The following FAT3 variants were observed in gnomAD, a reference collection of about 807,000 sequenced individuals.
FAT3 encodes protocadherin Fat 3.
FAT3 carries 95 observed loss-of-function variants against 310.2 expected under a neutral mutation model. The observed-to-expected ratio is 0.31, with a 90% CI of 0.26 to 0.36. FAT3 has a LOEUF of 0.36. Among genes scored for constraint, FAT3 ranks in the 10% least tolerant of loss-of-function variants. FAT3 has a pLI of 1.00. For missense variants in FAT3, 5,408 were observed against 5,715.6 expected, an observed-to-expected ratio of 0.95 and a Z score of 1.74; for synonymous variants, 2,314 against 2,192.9, an observed-to-expected ratio of 1.06 and a Z score of -1.54.
rs477999 is a variant in FAT3 at position 92,616,802 on chromosome 11, G to T, written c.3608-80582G>T. On this transcript the variant is annotated intron_variant, in intron 3 of 27. Transcript: ENST00000525166. ...TTTCTTTAAGAATGTTGAATATTGG[G>T]CCTCACTCTCTACTGGCTTGTAGAG... 2.0e-5 allele frequency among the ~76,000 whole-genome samples: 3 copies of T among 152,100 alleles called. 1 individual carries two copies. In the East Asian group the frequency reaches 5.8e-4, roughly 29 times the overall value.
At chr11:92,564,252 A>C (rs1242506942) in intron 3 of FAT3, among the ~76,000 whole-genome samples, 4 of 151,926 alleles carry the variant, frequency 2.6e-5, no homozygotes, top group African/African-American at 9.7e-5. Flanking sequence ...CTCTGATAAA[A>C]CAGACTTTAA....
intron 3 of FAT3, among the ~76,000 whole-genome samples, chr11:92,555,496 A>C (rs996669608): frequency 1.3e-5 from 2 of 152,158 alleles, no homozygotes; most frequent in Admixed American, 1.3e-4. Flanking sequence ...TCCTGGGCCA[A>C]ATCTAGTTTT....
chr11:92,795,636 C>A (rs958607042), intron 9 of FAT3, among the ~76,000 whole-genome samples: 1 of 152,072 alleles, frequency 6.6e-6, no homozygotes, highest in Non-Finnish European at 1.5e-5. Flanking sequence ...TGAGGCCAGG[C>A]ACAGTGGCTC....
At chr11:92,314,293 A>G in intron 1 of FAT3, 2 of 983,052 alleles carry the variant, frequency 2.0e-6, no homozygotes, top group Non-Finnish European at 2.4e-6. Flanking sequence ...AGATGAGAAC[A>G]TGGAGATGTA....
At chr11:92,795,167 G>A (rs527887489) in intron 9 of FAT3, among the ~76,000 whole-genome samples, 32 of 152,194 alleles carry the variant, frequency 2.1e-4, no homozygotes, top group African/African-American at 7.2e-4. Context: ...TGGTGTCAAT[G>A]GTGAGTCTGA....
chr11:92,537,186 T>C lies in FAT3; in HGVS notation c.3607+12238T>C, dbSNP rs1268073597. Among the ~76,000 whole-genome samples the C allele has an allele frequency of 2.0e-5, 3 of 152,286 alleles. No individual in the cohort carries two copies. In the East Asian group the frequency reaches 5.8e-4, roughly 29 times the overall value. ...AGCTGGTTTTGCGAAATGACATTTATTTGCCATTGAGGGCCCTGAGACCGT... is the reference window on the plus strand; with the variant it reads ...AGCTGGTTTTGCGAAATGACATTTACTTGCCATTGAGGGCCCTGAGACCGT... On this transcript the variant is annotated intron_variant, in intron 3 of 27. Transcript: ENST00000525166.
In FAT3 at chr11:92,867,195, G is replaced by A; in HGVS notation, c.12113G>A (p.Gly4038Asp). The A allele has an allele frequency of 1.9e-6, 3 of 1,576,796 alleles. No homozygotes were observed. The highest frequency in any genetic ancestry group is 2.6e-6 in the Non-Finnish European group (3 of 1,165,516). Residue 4038 changes from glycine to aspartate, a missense_variant, in exon 22 of 28, where the codon GGC becomes GAC. Physicochemically the swap from Gly to Asp is moderately conservative, Grantham distance 94. This residue lies in a region of FAT3 where 4,588 missense variants were observed against 4,809.8 expected (regional missense o/e 0.95). Coordinates refer to ENST00000525166, the MANE Select transcript of FAT3 (RefSeq NM_001367949.2). ...TGCCAGCACGGGGGCAGCTGCACTG[G>A]CCTGCCATCGGGGGGTGAGTGTGGC... ...SPCQHGGSCT[G>D]LPSGGYQCTC...
At chr11:92,277,067 A>G (rs1946293156) in intron 1 of FAT3, among the ~76,000 whole-genome samples, 1 of 152,028 alleles carries the variant, frequency 6.6e-6, no homozygotes, top group Non-Finnish European at 1.5e-5. Flanking sequence ...TGTTTACAAG[A>G]ATCAATTTTT....
intron 3 of FAT3, among the ~76,000 whole-genome samples, chr11:92,672,909 T>C (rs1269422159): frequency 1.3e-5 from 2 of 152,234 alleles, no homozygotes; most frequent in Non-Finnish European, 2.9e-5. Flanking sequence ...GATTCCGAAG[T>C]AAAGGGTAAC....
At chr11:92,438,769 C>T (rs1051459761) in intron 2 of FAT3, among the ~76,000 whole-genome samples, 1 of 152,144 alleles carries the variant, frequency 6.6e-6, no homozygotes, top group African/African-American at 2.4e-5. Context: ...TCTAATGTTT[C>T]TATTTACAAT....
Position 92,353,575 on chromosome 11 carries a change from G to C in FAT3, c.1463G>C (p.Gly488Ala), listed in dbSNP as rs369038969. 1.2e-6 allele frequency: 2 copies of C among 1,613,790 alleles called. No homozygotes were observed. The highest frequency in any genetic ancestry group is 1.3e-5 in the African/African-American group (1 of 75,044). Reference sequence around the variant, plus strand: ...TATGTGAATGAAAGTGTCCCAGTGGGAACCAGCGTTCTAACAGTTTCAGCT... The same window carrying C: ...TATGTGAATGAAAGTGTCCCAGTGGCAACCAGCGTTCTAACAGTTTCAGCT... ...DAYVNESVPV[G>A]TSVLTVSASD... Residue 488 changes from glycine to alanine, a missense_variant, in exon 2 of 28, where the codon GGA becomes GCA. Transcript: ENST00000525166.
chr11:92,555,867 G>C (rs1239217503), intron 3 of FAT3, among the ~76,000 whole-genome samples: 1 of 152,170 alleles, frequency 6.6e-6, no homozygotes, highest in Non-Finnish European at 1.5e-5. Flanking sequence ...CCTTTCTATA[G>C]CCTATTGGTT....
In FAT3 at chr11:92,883,324, C is replaced by T. The variant is rs2136417889; in HGVS notation, c.12868C>T (p.Pro4290Ser). The T allele has an allele frequency of 1.2e-6, 2 of 1,611,410 alleles. No individual in the cohort carries two copies. The highest frequency in any genetic ancestry group is 4.5e-5 in the East Asian group (2 of 44,846). ...CGTGTGCAGTGTGGCCCCCAACCTC[C>T]CCGCCGTGTCACCCTGCCGCTCCGA... ...VVVCSVAPNL[P>S]AVSPCRSDCD... The change falls in exon 24 of 28, where the codon CCC becomes TCC. Residue 4290 changes from proline to serine, a missense_variant. Coordinates refer to ENST00000525166, the MANE Select transcript of FAT3 (RefSeq NM_001367949.2). This position sits in a 1 kb window ranked among gnomAD's most constrained non-coding sequence, Gnocchi z 4.2.
At chr11:92,859,098 T>C (rs1445803146) in intron 20 of FAT3, 67 bp from the exon 21 acceptor site, 1 of 1,483,436 alleles carries the variant, frequency 6.7e-7, no homozygotes, top group Non-Finnish European at 9.1e-7. Flanking sequence ...TGTTGGGTGA[T>C]TTCATGTGTC....
chr11:92,392,164 G>A (rs544811348), intron 2 of FAT3, among the ~76,000 whole-genome samples: 2 of 152,052 alleles, frequency 1.3e-5, no homozygotes, highest in Non-Finnish European at 2.9e-5. Flanking sequence ...ATGCACGCAC[G>A]CACACACGTT....
At chr11:92,849,750 C>G (rs900770019) in intron 19 of FAT3, among the ~76,000 whole-genome samples, 1 of 152,160 alleles carries the variant, frequency 6.6e-6, no homozygotes, top group Non-Finnish European at 1.5e-5. Flanking sequence ...TTTTAAGCAT[C>G]CTTTTGTTTA....
chr11:92,282,555 C>A (rs1439993585), intron 1 of FAT3, among the ~76,000 whole-genome samples: 1 of 151,718 alleles, frequency 6.6e-6, no homozygotes, highest in African/African-American at 2.4e-5. Context: ...ATCCCAGCTA[C>A]TCGGGAGGCT....
chr11:92,599,834 T>A (rs1939923381), intron 3 of FAT3, among the ~76,000 whole-genome samples: 1 of 152,184 alleles, frequency 6.6e-6, no homozygotes, highest in Admixed American at 6.5e-5. Context: ...GAGCTTAGAC[T>A]TCAAAGTACT....
In FAT3 at chr11:92,765,149, G is replaced by A. The variant is rs1384456566; in HGVS notation, c.4195+60G>A. ...TGTAATAATTGACTGAAGCAACTAGGAAAAAAAAAAAAAAGAAAGAAAGCA... is the reference window on the plus strand; with the variant it reads ...TGTAATAATTGACTGAAGCAACTAGAAAAAAAAAAAAAAAGAAAGAAAGCA... On this transcript the variant is annotated intron_variant, in intron 6 of 27. Transcript: ENST00000525166. The A allele has an allele frequency of 1.0e-3, 1,025 of 984,530 alleles. 2 individuals are homozygous for A. Among genetic ancestry groups the A allele is most frequent in the South Asian group, 4.5e-3 (193 of 43,108 alleles). 61.0% of individuals were successfully genotyped at this position (984,530 alleles called of 1,614,324 possible).
Sources: gnomAD v4.1 joint callset for allele counts (sites outside exome capture counted in the v4.1 genomes callset) on GRCh38, gnomAD v4.1.1 for gene constraint, gnomAD v4.1.1 regional missense constraint, Gnocchi (gnomAD v3.1) non-coding constraint, MANE v1.5 for transcripts, NCBI Gene and HGNC (gene_info 2026-07-23, HGNC 2026-07-21) for gene names.